SH3GL3: variants seen among roughly 807,000 people sequenced by gnomAD.
SH3GL3 encodes SH3 domain containing GRB2 like 3, endophilin A3, also known as endophilin-A3.
SH3GL3 carries 33 observed loss-of-function variants against 47.7 expected under a neutral mutation model. That is an observed-to-expected ratio of 0.69 (90% confidence interval 0.52 to 0.92). The LOEUF is 0.92. Ranked by LOEUF, SH3GL3 falls within the 40% of genes least tolerant of loss-of-function variation. SH3GL3 has a pLI of 0.00. For missense variants in SH3GL3, 363 were observed against 417.8 expected, an observed-to-expected ratio of 0.87 and a Z score of 1.14; for synonymous variants, 155 against 148.8, an observed-to-expected ratio of 1.04 and a Z score of -0.30.
intron 1 of SH3GL3, among the ~76,000 whole-genome samples, chr15:83,500,892 A>G (rs942670003): frequency 6.6e-6 from 1 of 152,198 alleles, no homozygotes; most frequent in African/African-American, 2.4e-5. Context: ...AACTCGCACA[A>G]TAAATTGTCA....
chr15:83,572,216 G>A (rs924054664), intron 4 of SH3GL3, among the ~76,000 whole-genome samples: 1 of 152,210 alleles, frequency 6.6e-6, no homozygotes, highest in African/African-American at 2.4e-5. Context: ...TTTACAAAGA[G>A]ATTTTATTCT....
chr15:83,587,127 G>A (rs1281513249), intron 7 of SH3GL3, 41 bp downstream of exon 7: 3 of 1,046,430 alleles, frequency 2.9e-6, no homozygotes, highest in Non-Finnish European at 2.9e-6. Flanking sequence ...GGGCTGCGGA[G>A]GTAACATCTA....
chr15:83,606,493 G>C (rs2060519746), intron 8 of SH3GL3, among the ~76,000 whole-genome samples: 2 of 152,202 alleles, frequency 1.3e-5, no homozygotes, highest in Non-Finnish European at 2.9e-5. Context: ...AAATTTCACA[G>C]AACAGTGACA....
At chr15:83,468,872 G>A (rs993184919) in intron 1 of SH3GL3, among the ~76,000 whole-genome samples, 2 of 143,682 alleles carry the variant, frequency 1.4e-5, no homozygotes, top group South Asian at 4.3e-4. Flanking sequence ...GTTCTTTCCT[G>A]TTCTGTTTTC....
intron 8 of SH3GL3, among the ~76,000 whole-genome samples, chr15:83,598,636 T>A (rs2060297020): frequency 6.6e-6 from 1 of 152,218 alleles, no homozygotes; most frequent in Non-Finnish European, 1.5e-5. Context: ...TGGCTTTAGG[T>A]GCTGAATGGA....
chr15:83,449,555 G>A (rs1373211807), intron 1 of SH3GL3, among the ~76,000 whole-genome samples: 1 of 152,192 alleles, frequency 6.6e-6, no homozygotes, highest in East Asian at 1.9e-4. Context: ...GTAAGCCCTT[G>A]GGTGATTTAA....
intron 1 of SH3GL3, among the ~76,000 whole-genome samples, chr15:83,473,980 GGT>G (rs921143572): frequency 2.6e-5 from 4 of 151,902 alleles, no homozygotes; most frequent in Admixed American, 2.0e-4. Context: ...TGGGTCCCAG[GGT>G]CCCAAGCTGG....
intron 1 of SH3GL3, among the ~76,000 whole-genome samples, chr15:83,499,563 T>C (rs1312248751): frequency 6.6e-6 from 1 of 152,190 alleles, no homozygotes; most frequent in Non-Finnish European, 1.5e-5. Context: ...CATCCAGTTC[T>C]CACAGAGATC....
chr15:83,521,255 G>A (rs2043189140), intron 1 of SH3GL3, among the ~76,000 whole-genome samples: 1 of 152,186 alleles, frequency 6.6e-6, no homozygotes, highest in Non-Finnish European at 1.5e-5. Flanking sequence ...ATTAGCCAGG[G>A]TCCAGTTAGG....
chr15:83,610,617 T>G (rs965938046), intron 8 of SH3GL3, among the ~76,000 whole-genome samples: 2 of 152,136 alleles, frequency 1.3e-5, no homozygotes, highest in Non-Finnish European at 2.9e-5. Flanking sequence ...TCAGGGGGTA[T>G]ATTGCATAGG....
chr15:83,457,420 C>CT (rs1459964070), intron 1 of SH3GL3, among the ~76,000 whole-genome samples: 2 of 152,324 alleles, frequency 1.3e-5, no homozygotes, highest in South Asian at 2.1e-4. Context: ...TAACACAGTG[C>CT]TTTTTTACAA....
At chr15:83,464,931 C>T (rs1368379910) in intron 1 of SH3GL3, among the ~76,000 whole-genome samples, 1 of 151,116 alleles carries the variant, frequency 6.6e-6, no homozygotes, top group East Asian at 1.9e-4. Flanking sequence ...GGAGGCCAAA[C>T]ATGTATACAT....
chr15:83,496,004 C>T (rs1389645428), intron 1 of SH3GL3, among the ~76,000 whole-genome samples: 1 of 151,516 alleles, frequency 6.6e-6, no homozygotes, highest in Non-Finnish European at 1.5e-5. Flanking sequence ...AGAAAGGAGG[C>T]AAAGAAACAC....
chr15:83,522,197 A>G lies in SH3GL3; in HGVS notation c.46-37056A>G, dbSNP rs184180428. On this transcript the variant is annotated intron_variant, in intron 1 of 8. Coordinates refer to ENST00000427482, the MANE Select transcript of SH3GL3 (RefSeq NM_003027.5). ...GTTTCCCAGGAGAGAATGTGGGAGA[A>G]GAGTTGAGGGAAGGGTTGAAAACCT... 2.0e-5 allele frequency among the ~76,000 whole-genome samples: 3 copies of G among 152,268 alleles called. No homozygotes were observed. The East Asian group carries it at 5.8e-4, about 29-fold the overall frequency.
chr15:83,553,544 T>C (rs1297611428), intron 1 of SH3GL3, among the ~76,000 whole-genome samples: 1 of 152,180 alleles, frequency 6.6e-6, no homozygotes, highest in Non-Finnish European at 1.5e-5. Flanking sequence ...AAAATACTGG[T>C]TTTCTAACAG....
intron 1 of SH3GL3, chr15:83,490,861 T>G (rs774109235): frequency 1.2e-6 from 2 of 1,614,186 alleles, no homozygotes; most frequent in East Asian, 4.5e-5. Flanking sequence ...TGGGATAATA[T>G]GCAATCAAGC....
intron 8 of SH3GL3, among the ~76,000 whole-genome samples, chr15:83,610,980 A>AAT (rs10665431): frequency 0.13 from 19,242 of 146,876 alleles, 1,523 homozygotes; most frequent in Admixed American, 0.24. Context: ...TCAGCCAAAA[A>AAT]ATATATATAT....
intron 1 of SH3GL3, among the ~76,000 whole-genome samples, chr15:83,544,100 G>C (rs1005126694): frequency 1.3e-5 from 2 of 151,356 alleles, no homozygotes; most frequent in African/African-American, 4.8e-5. Flanking sequence ...TGCATCATTA[G>C]GTTATTTATT....
intron 1 of SH3GL3, among the ~76,000 whole-genome samples, chr15:83,550,369 C>A (rs1419725236): frequency 6.6e-6 from 1 of 152,096 alleles, no homozygotes; most frequent in African/African-American, 2.4e-5. Context: ...CTTTGGAAAT[C>A]CACAGTGCCC....
Sources: allele counts gnomAD v4.1 joint callset (sites outside exome capture counted in the v4.1 genomes callset), GRCh38; gene constraint gnomAD v4.1.1; transcripts MANE v1.5; gene names NCBI Gene and HGNC (gene_info 2026-07-23, HGNC 2026-07-21).